Variants in SMYD3 observed in about 807,000 individuals in gnomAD.
The protein encoded by SMYD3 is histone-lysine N-methyltransferase SMYD3.
Under a neutral mutation model 57.7 loss-of-function variants are expected in SMYD3, and 36 were observed. The observed-to-expected ratio is 0.62, with a 90% CI of 0.48 to 0.82. The LOEUF (loss-of-function observed/expected upper bound fraction) is 0.82, where lower values mean the gene tolerates loss of function less well. SMYD3 is among the 40% of genes least tolerant of loss of function. SMYD3 has a pLI of 0.00. For synonymous variants in SMYD3, 211 were observed against 195.0 expected, an observed-to-expected ratio of 1.08 and a Z score of -0.68; for missense variants, 515 against 538.8, an observed-to-expected ratio of 0.96 and a Z score of 0.44.
chr1:246,105,801 G>A (rs1193894156), intron 5 of SMYD3, among the ~76,000 whole-genome samples: 1 of 152,128 alleles, frequency 6.6e-6, no homozygotes, highest in Admixed American at 6.5e-5. Context: ...AATCAAATGG[G>A]CACTGCCATG....
At chr1:245,981,971 C>A (rs2058606625) in intron 5 of SMYD3, among the ~76,000 whole-genome samples, 1 of 152,214 alleles carries the variant, frequency 6.6e-6, no homozygotes, top group Admixed American at 6.5e-5. Context: ...TGGGTGCAGA[C>A]CCACGGTCAT....
chr1:246,218,473 A>G (rs2063200766), intron 5 of SMYD3, among the ~76,000 whole-genome samples: 1 of 152,088 alleles, frequency 6.6e-6, no homozygotes, highest in Non-Finnish European at 1.5e-5. Context: ...AATACAAAAA[A>G]TTAGCCAGGG....
At chr1:246,352,093 C>T (rs1206742997) in intron 2 of SMYD3, among the ~76,000 whole-genome samples, 8 of 136,582 alleles carry the variant, frequency 5.9e-5, no homozygotes, top group South Asian at 4.7e-4. Flanking sequence ...GCTGAGACGG[C>T]ACCACTGCAC....
chr1:246,209,508 A>G (rs1185328342), intron 5 of SMYD3, among the ~76,000 whole-genome samples: 1 of 152,202 alleles, frequency 6.6e-6, no homozygotes, highest in East Asian at 1.9e-4. Context: ...AAGCTTTATA[A>G]GCATAGAAGA....
intron 10 of SMYD3, among the ~76,000 whole-genome samples, chr1:245,803,219 G>A (rs1558358016): frequency 6.6e-6 from 1 of 152,228 alleles, no homozygotes; most frequent in African/African-American, 2.4e-5. Flanking sequence ...TGAATGGCTT[G>A]CCGTATGTGC....
intron 10 of SMYD3, among the ~76,000 whole-genome samples, chr1:245,800,505 C>T (rs79827901): frequency 0.037 from 5,687 of 151,802 alleles, 197 homozygotes; most frequent in African/African-American, 0.087. Context: ...ATATTTGTGA[C>T]ATTAATGAAC....
At chr1:246,485,444 T>C (rs1428718004) in intron 1 of SMYD3, among the ~76,000 whole-genome samples, 2 of 152,130 alleles carry the variant, frequency 1.3e-5, no homozygotes, top group Non-Finnish European at 2.9e-5. Context: ...ATAATTACTG[T>C]TGACATGTGA....
At chr1:246,086,635 G>A (rs2060726779) in intron 5 of SMYD3, among the ~76,000 whole-genome samples, 1 of 151,130 alleles carries the variant, frequency 6.6e-6, no homozygotes, top group African/African-American at 2.4e-5. Context: ...CAACAAAAAA[G>A]CCTCAGAGAG....
At chr1:246,312,659 GA>G (rs1449155704) in intron 5 of SMYD3, among the ~76,000 whole-genome samples, 2 of 152,190 alleles carry the variant, frequency 1.3e-5, no homozygotes, top group Non-Finnish European at 2.9e-5. Flanking sequence ...AGGTCACATA[GA>G]TGAAGATTTT....
At chr1:246,010,395 A>G (rs2059260916) in intron 5 of SMYD3, among the ~76,000 whole-genome samples, 1 of 152,182 alleles carries the variant, frequency 6.6e-6, no homozygotes, top group Admixed American at 6.5e-5. Flanking sequence ...CTAAAACTCT[A>G]GCGTGATGTA....
rs112648809 is a variant in SMYD3, at chr1:245,904,202, G to A, written c.813+11328C>T. On this transcript the variant is annotated intron_variant, in intron 8 of 11. Transcript: ENST00000490107. ...ATCATGGGGGCTGTTTTCCTGAGAC[G>A]GGGGTGAGTTCTCATGAGATCTCAT... Among the ~76,000 whole-genome samples, 1,505 of 152,234 alleles carry A rather than the reference G, an allele frequency of 9.9e-3. 17 individuals carry two copies. Among genetic ancestry groups the A allele is most frequent in the Non-Finnish European group, 0.015 (1,033 of 68,000 alleles).
chr1:245,983,830 A>C (rs2058648865), intron 5 of SMYD3, among the ~76,000 whole-genome samples: 1 of 152,144 alleles, frequency 6.6e-6, no homozygotes. Context: ...CAGTAGCAAG[A>C]AGAACAGTCA....
intron 10 of SMYD3, among the ~76,000 whole-genome samples, chr1:245,816,332 T>C (rs2048799561): frequency 6.6e-6 from 1 of 151,754 alleles, no homozygotes; most frequent in Non-Finnish European, 1.5e-5. Context: ...ACTGTATCAA[T>C]CAGGCCAAGG....
chr1:245,895,379 C>T (rs563577243), intron 8 of SMYD3, among the ~76,000 whole-genome samples: 5 of 152,266 alleles, frequency 3.3e-5, no homozygotes, highest in African/African-American at 1.2e-4. Flanking sequence ...ATGATGAAAA[C>T]TTTAGAAACG....
At chr1:246,055,064 T>C (rs2060127362) in intron 5 of SMYD3, among the ~76,000 whole-genome samples, 1 of 151,874 alleles carries the variant, frequency 6.6e-6, no homozygotes, top group African/African-American at 2.4e-5. Context: ...TAGTCCCAGC[T>C]ACTCAGTAGG....
At chr1:245,963,993 T>A (rs1441664469) in intron 5 of SMYD3, among the ~76,000 whole-genome samples, 2 of 152,230 alleles carry the variant, frequency 1.3e-5, no homozygotes, top group Non-Finnish European at 2.9e-5. Context: ...TGCTGGCTAA[T>A]TTTCAAAGAA....
intron 8 of SMYD3, among the ~76,000 whole-genome samples, chr1:245,877,101 G>C (rs997518844): frequency 6.6e-6 from 1 of 152,218 alleles, no homozygotes; most frequent in African/African-American, 2.4e-5. Flanking sequence ...AGGCCACGCT[G>C]TTGGGTGCTT....
At chr1:246,395,661 GAACCCACCACAGTCAGACAGGGAAGAC>G (rs1558442850) in intron 1 of SMYD3, among the ~76,000 whole-genome samples, 19 of 84,028 alleles carry the variant, frequency 2.3e-4, no homozygotes, top group East Asian at 1.2e-3. Context: ...CAGGGAAGAC[GAACCCACCACAGTCAGACAGGGAAGAC>G]GAACCCACCA....
At chr1:245,763,970 C>A (rs2045965093) in intron 11 of SMYD3, 71 bp downstream of exon 11, 2 of 1,170,398 alleles carry the variant, frequency 1.7e-6, no homozygotes, top group Non-Finnish European at 2.6e-6. Flanking sequence ...GCTAACAAAT[C>A]ACAAAGAGGC....
Sources: allele counts gnomAD v4.1 joint callset (sites outside exome capture counted in the v4.1 genomes callset), GRCh38; gene constraint gnomAD v4.1.1; transcripts MANE v1.5; gene names NCBI Gene and HGNC (gene_info 2026-07-23, HGNC 2026-07-21).